Variants in RHOA observed in about 807,000 individuals in gnomAD.
RHOA encodes the protein transforming protein RhoA.
RHOA carries 3 observed loss-of-function variants against 17.5 expected under a neutral mutation model. The ratio of observed to expected loss-of-function variants is 0.17; its 90% CI spans 0.08 to 0.44. The LOEUF is 0.44. Ranked by LOEUF, RHOA falls within the 20% of genes least tolerant of loss-of-function variation. The pLI is 0.99. For missense variants in RHOA, 56 were observed against 242.3 expected (o/e 0.23, Z 5.10); for synonymous variants, 98 against 88.4 (o/e 1.11, Z -0.61).
chr3:49,408,165 GAA>G (rs11322363), intron 1 of RHOA, among the ~76,000 whole-genome samples: 80,506 of 146,040 alleles, frequency 0.55, 23,051 homozygotes, highest in Non-Finnish European at 0.6. Flanking sequence ...TCTCAAAAGA[GAA>G]AAAAAAAAAA....
intron 1 of RHOA, among the ~76,000 whole-genome samples, chr3:49,391,585 C>A (rs923602480): frequency 3.9e-5 from 6 of 151,938 alleles, no homozygotes; most frequent in African/African-American, 1.5e-4. Flanking sequence ...CTCTTGTTGC[C>A]CAGGCTGGAG....
In RHOA at chr3:49,404,611, CAAAAAAAAAAAAAAAA is replaced by C. The variant is rs71080508; in HGVS notation, c.-3+7193_-3+7208del. Among the ~76,000 whole-genome samples the C allele has an allele frequency of 2.7e-4, 9 of 33,188 alleles. No individual in the cohort carries two copies. The East Asian group carries it at 9.7e-3, about 36-fold the overall frequency. The allele number at this position is 33,188 out of a possible 152,430, so 21.8% of individuals were successfully genotyped here. The stretch of plus-strand genomic sequence containing the variant: ...TAGACAACAGAGCAAGACTCCGTCT[CAAAAAAAAAAAAAAAA>C]AAAAAAAAAAAGGCCAGAAGGCCAG... On this transcript the variant is annotated intron_variant, in intron 1 of 4. Transcript: ENST00000418115.
intron 1 of RHOA, among the ~76,000 whole-genome samples, chr3:49,395,344 G>A (rs2048596811): frequency 6.6e-6 from 1 of 152,120 alleles, no homozygotes; most frequent in South Asian, 2.1e-4. Flanking sequence ...ATGTCATGCA[G>A]AGCAATCTGC....
chr3:49,391,326 AG>A (rs2048502245), intron 1 of RHOA, among the ~76,000 whole-genome samples: 1 of 151,576 alleles, frequency 6.6e-6, no homozygotes, highest in South Asian at 2.1e-4. Context: ...CAGGAGACAG[AG>A]GCTGCAGTGA....
chr3:49,360,278 A>G lies in RHOA; in HGVS notation c.513T>C (p.Phe171=). The G allele has an allele frequency of 1.2e-6, 2 of 1,614,124 alleles. No individual in the cohort carries two copies. The highest frequency in any genetic ancestry group is 1.7e-6 in the Non-Finnish European group (2 of 1,180,032). The change falls in exon 5 of 5, where the codon TTT becomes TTC. Residue 171 remains phenylalanine, a synonymous_variant. Coordinates refer to ENST00000418115, the MANE Select transcript of RHOA (RefSeq NM_001664.4). ...AKTKDGVREV[F]EMATRAALQA... The stretch of plus-strand genomic sequence containing the variant: ...GCAGAGCAGCTCTCGTAGCCATTTC[A>G]AAAACCTCTCTCACTCCATCTTTGG...
At chr3:49,378,938 ACAATT>A (rs2048275273) in intron 1 of RHOA, among the ~76,000 whole-genome samples, 1 of 152,184 alleles carries the variant, frequency 6.6e-6, no homozygotes, top group African/African-American at 2.4e-5. Flanking sequence ...AAGAACTCTT[ACAATT>A]CAATAATAAA....
intron 3 of RHOA, 36 bp from the exon 4 acceptor site, chr3:49,362,662 C>A (rs377047325): frequency 6.3e-7 from 1 of 1,577,748 alleles, no homozygotes; most frequent in Non-Finnish European, 8.6e-7. Context: ...GGGATACATA[C>A]AATTCTATCT....
At chr3:49,410,557 TAA>T (rs751151793) in intron 1 of RHOA, among the ~76,000 whole-genome samples, 1 of 152,214 alleles carries the variant, frequency 6.6e-6, no homozygotes, top group Non-Finnish European at 1.5e-5. Context: ...GATCCTTCAA[TAA>T]GTCATTCTTT....
In RHOA at chr3:49,385,010, C is replaced by T. The variant is rs185527731; in HGVS notation, c.-2-9419G>A. ...CCTGGGAGGCGGAGGTTGCAGTGAG[C>T]TGAGATGGCACCACTGCACTCCAGT... On this transcript the variant is annotated intron_variant, in intron 1 of 4. Transcript: ENST00000418115. Among the ~76,000 whole-genome samples, 328 of 148,874 alleles carry T rather than the reference C, an allele frequency of 2.2e-3. 1 individual carries two copies. The highest frequency in any genetic ancestry group is 6.6e-3 in the African/African-American group (269 of 40,570).
chr3:49,395,115 G>C (rs942117523), intron 1 of RHOA, among the ~76,000 whole-genome samples: 1 of 151,920 alleles, frequency 6.6e-6, no homozygotes, highest in Admixed American at 6.6e-5. Flanking sequence ...GCCGGGTGTG[G>C]TGGCAGGCAC....
In RHOA at chr3:49,377,249, T is replaced by C. The variant is rs117698532; in HGVS notation, c.-2-1658A>G. Reference sequence around the variant, plus strand: ...AGTTAAGAGACCAGCCCTGACAACATAGTGAGACACTGAGAAAGGAAGGAC... The same window carrying C: ...AGTTAAGAGACCAGCCCTGACAACACAGTGAGACACTGAGAAAGGAAGGAC... On this transcript the variant is annotated intron_variant, in intron 1 of 4. Coordinates refer to ENST00000418115, the MANE Select transcript of RHOA (RefSeq NM_001664.4). Among the ~76,000 whole-genome samples the C allele has an allele frequency of 3.1e-3, 466 of 151,464 alleles. 6 individuals carry two copies. The highest frequency in any genetic ancestry group is 0.015 in the East Asian group (76 of 5,092).
intron 1 of RHOA, among the ~76,000 whole-genome samples, chr3:49,405,091 T>TAGA (rs2048804332): frequency 7.3e-6 from 1 of 136,616 alleles, no homozygotes; most frequent in African/African-American, 2.9e-5. Flanking sequence ...CTACTAAAAA[T>TAGA]ACAAAAAAAA....
intron 2 of RHOA, among the ~76,000 whole-genome samples, chr3:49,368,764 G>A (rs1188600660): frequency 6.9e-6 from 1 of 144,812 alleles, no homozygotes; most frequent in Non-Finnish European, 1.5e-5. Flanking sequence ...CTAGAGTGCA[G>A]TGGCGCGATC....
intron 1 of RHOA, among the ~76,000 whole-genome samples, chr3:49,382,560 C>T (rs1324616297): frequency 6.6e-6 from 1 of 152,116 alleles, no homozygotes; most frequent in Non-Finnish European, 1.5e-5. Context: ...CACTTGAGTA[C>T]AGGAGGCAGA....
At position 49,399,814 on chromosome 3, in the gene RHOA, G is replaced by A. The variant is rs1575281436; in HGVS notation, c.-3+12006C>T. Reference sequence around the variant, plus strand: ...ATAAAACTATTATGTTTTCGAACAAGATAAATTTTTAAATGTAGGGACTTT... The same window carrying A: ...ATAAAACTATTATGTTTTCGAACAAAATAAATTTTTAAATGTAGGGACTTT... On this transcript the variant is annotated intron_variant, in intron 1 of 4. Transcript: ENST00000418115. 3.3e-5 allele frequency among the ~76,000 whole-genome samples: 5 copies of A among 152,228 alleles called. No homozygotes were observed. The South Asian group carries it at 1.0e-3, about 32-fold the overall frequency.
chr3:49,398,019 T>C (rs1026295947), intron 1 of RHOA, among the ~76,000 whole-genome samples: 1 of 152,132 alleles, frequency 6.6e-6, no homozygotes, highest in Non-Finnish European at 1.5e-5. Context: ...GACAAGTCAG[T>C]GAATTTTTTC....
intron 1 of RHOA, among the ~76,000 whole-genome samples, chr3:49,378,365 A>G (rs6446263): frequency 1 from 150,647 of 150,650 alleles, 75,322 homozygotes; most frequent in Non-Finnish European, 1. Context: ...TCCCACTTCA[A>G]ATTCCCCAGC....
At position 49,394,686 on chromosome 3, in the gene RHOA, T is replaced by C. The variant is rs190756509; in HGVS notation, c.-3+17134A>G. On this transcript the variant is annotated intron_variant, in intron 1 of 4. Transcript: ENST00000418115. ...GTCTTCTATGGGCCATTCCTTGTTC[T>C]AGCTACTAGAGATACAGCTTTATCT... Among the ~76,000 whole-genome samples, 295 of 152,244 alleles carry C rather than the reference T, an allele frequency of 1.9e-3. 2 individuals carry two copies. The highest frequency in any genetic ancestry group is 6.7e-3 in the African/African-American group (280 of 41,554).
At chr3:49,371,102 C>T (rs1575649651) in intron 2 of RHOA, among the ~76,000 whole-genome samples, 1 of 152,222 alleles carries the variant, frequency 6.6e-6, no homozygotes, top group Non-Finnish European at 1.5e-5. Context: ...TCTCCCGGCC[C>T]CCTCCACCCC....
Sources: allele counts gnomAD v4.1 joint callset (sites outside exome capture counted in the v4.1 genomes callset), GRCh38; gene constraint gnomAD v4.1.1; transcripts MANE v1.5; gene names NCBI Gene and HGNC (gene_info 2026-07-23, HGNC 2026-07-21).